The following CDK14 variants were observed in gnomAD, a reference collection of about 807,000 sequenced individuals.
The protein encoded by CDK14 is cyclin dependent kinase 14.
CDK14 carries 34 observed loss-of-function variants against 60.7 expected under a neutral mutation model. That is an observed-to-expected ratio of 0.56 (90% confidence interval 0.43 to 0.75). CDK14 has a LOEUF of 0.75. Among genes scored for constraint, CDK14 ranks in the 30% least tolerant of loss-of-function variants. CDK14 has a pLI of 0.00. For synonymous variants in CDK14, 197 were observed against 203.7 expected, an observed-to-expected ratio of 0.97 and a Z score of 0.28; for missense variants, 482 against 564.1, an observed-to-expected ratio of 0.85 and a Z score of 1.47.
intron 12 of CDK14, among the ~76,000 whole-genome samples, chr7:91,096,901 T>G (rs1337037051): frequency 2.0e-5 from 3 of 152,138 alleles, no homozygotes; most frequent in African/African-American, 7.2e-5. Flanking sequence ...TAAGAGAATA[T>G]TAAGTGGCAA....
intron 2 of CDK14, chr7:90,709,350 C>A: frequency 8.1e-7 from 1 of 1,236,466 alleles, no homozygotes; most frequent in Non-Finnish European, 1.1e-6. Context: ...AGGACACTTA[C>A]TGGCTTTCTC....
chr7:90,982,588 CTTTATAAG>C (rs1360948650), intron 9 of CDK14, among the ~76,000 whole-genome samples: 1 of 152,156 alleles, frequency 6.6e-6, no homozygotes, highest in Non-Finnish European at 1.5e-5. Context: ...GACTACAATA[CTTTATAAG>C]TTTGTGAAAT....
chr7:90,955,805 G>T lies in CDK14; in HGVS notation c.935G>T (p.Cys312Phe). The stretch of plus-strand genomic sequence containing the variant: ...CTAGGCTCAACAGAATATTCCACCT[G>T]CCTTGACATGTGGTGAGAAATGGAA... The part of the protein sequence containing the change: ...VLLGSTEYST[C>F]LDMWGVGCIF... Residue 312 changes from cysteine to phenylalanine, a missense_variant, in exon 9 of 15, where the codon TGC becomes TTC. Transcript: ENST00000380050. 6.2e-7 allele frequency: 1 copy of T among 1,613,064 alleles called. No homozygotes were observed. The highest frequency in any genetic ancestry group is 8.5e-7 in the Non-Finnish European group (1 of 1,179,256).
At chr7:90,994,809 C>T (rs554126197) in intron 10 of CDK14, among the ~76,000 whole-genome samples, 24 of 152,056 alleles carry the variant, frequency 1.6e-4, no homozygotes, top group Non-Finnish European at 2.2e-4. Flanking sequence ...AAAAAGATGG[C>T]GAAATACTGC....
At position 90,926,168 on chromosome 7, in the gene CDK14, A is replaced by G. The variant is rs550199790; in HGVS notation, c.826+8444A>G. Among the ~76,000 whole-genome samples the G allele has an allele frequency of 9.2e-5, 14 of 152,250 alleles. No homozygotes were observed. In the East Asian group the frequency reaches 2.5e-3, roughly 27 times the overall value. On this transcript the variant is annotated intron_variant, in intron 8 of 14. Coordinates refer to ENST00000380050, the MANE Select transcript of CDK14 (RefSeq NM_001287135.2). ...CACATGCATGGCTAGTTCCCCAAAC[A>G]TGTGAGAAGGTAGGAGTGCTAACTG... is the stretch of plus-strand genomic sequence containing the variant.
intron 14 of CDK14, among the ~76,000 whole-genome samples, chr7:91,157,528 A>G (rs1801018448): frequency 6.6e-6 from 1 of 152,246 alleles, no homozygotes; most frequent in African/African-American, 2.4e-5. Flanking sequence ...CCTGAGAGGC[A>G]TTGGGTCATT....
chr7:90,813,507 G>A (rs967223338), intron 5 of CDK14, among the ~76,000 whole-genome samples: 2 of 152,192 alleles, frequency 1.3e-5, no homozygotes, highest in African/African-American at 4.8e-5. Context: ...CAGCACTTTG[G>A]GAGGCTGAAG....
chr7:90,611,133 TC>T (rs1799530452), intron 2 of CDK14, among the ~76,000 whole-genome samples: 2 of 152,286 alleles, frequency 1.3e-5, no homozygotes, highest in South Asian at 4.2e-4. Context: ...CATAATTGAT[TC>T]TTTCCTTTCT....
intron 11 of CDK14, among the ~76,000 whole-genome samples, chr7:91,057,681 C>A (rs1406194826): frequency 6.6e-6 from 1 of 152,096 alleles, no homozygotes; most frequent in Non-Finnish European, 1.5e-5. Flanking sequence ...CCCATTTCTT[C>A]TTTTTGTCAG....
chr7:91,160,298 T>C (rs1440152622), intron 14 of CDK14, among the ~76,000 whole-genome samples: 2 of 152,148 alleles, frequency 1.3e-5, no homozygotes, highest in Admixed American at 6.5e-5. Context: ...CTACAATTTA[T>C]TGTGCATGGC....
At chr7:90,677,980 C>G (rs1048210800) in intron 2 of CDK14, among the ~76,000 whole-genome samples, 3 of 152,098 alleles carry the variant, frequency 2.0e-5, no homozygotes, top group Non-Finnish European at 1.5e-5. Context: ...GTTGCCTCTT[C>G]GGCAGAGTCA....
At chr7:90,664,760 AG>A in intron 2 of CDK14, among the ~76,000 whole-genome samples, 1 of 134,068 alleles carries the variant, frequency 7.5e-6, no homozygotes, top group Non-Finnish European at 1.6e-5. Context: ...GGACACAGGA[AG>A]GGGAACATCA....
At chr7:90,709,548 G>T (rs200626528) in intron 2 of CDK14, 42 of 1,613,126 alleles carry the variant, frequency 2.6e-5, no homozygotes, top group Non-Finnish European at 3.6e-5. Flanking sequence ...GCATATGCAC[G>T]GTTACTTTGG....
chr7:90,761,598 A>T (rs755844849), intron 4 of CDK14, among the ~76,000 whole-genome samples: 1 of 152,188 alleles, frequency 6.6e-6, no homozygotes, highest in African/African-American at 2.4e-5. Flanking sequence ...TTTGTTTGCC[A>T]GGATATATTT....
At chr7:90,685,325 T>G (rs911087408) in intron 2 of CDK14, among the ~76,000 whole-genome samples, 1 of 152,162 alleles carries the variant, frequency 6.6e-6, no homozygotes, top group Non-Finnish European at 1.5e-5. Flanking sequence ...TTATTTGTCT[T>G]TTCCTGTGTC....
At chr7:91,086,920 A>G (rs866447104) in intron 12 of CDK14, among the ~76,000 whole-genome samples, 3 of 152,280 alleles carry the variant, frequency 2.0e-5, no homozygotes, top group South Asian at 2.1e-4. Context: ...GGAGAAAAAC[A>G]CTATTCGCTT....
intron 4 of CDK14, among the ~76,000 whole-genome samples, chr7:90,760,355 A>C (rs1187355413): frequency 6.6e-6 from 1 of 152,136 alleles, no homozygotes; most frequent in African/African-American, 2.4e-5. Flanking sequence ...TATCAGGAGG[A>C]GTTTGAAGAA....
chr7:90,701,331 T>C (rs1196433419), intron 2 of CDK14, among the ~76,000 whole-genome samples: 1 of 152,238 alleles, frequency 6.6e-6, no homozygotes, highest in African/African-American at 2.4e-5. Flanking sequence ...GTTAAACTAA[T>C]TGGTCAAAGC....
At chr7:90,696,077 C>T (rs144130204) in intron 2 of CDK14, among the ~76,000 whole-genome samples, 1 of 152,208 alleles carries the variant, frequency 6.6e-6, no homozygotes, top group East Asian at 1.9e-4. Flanking sequence ...TGTTGGTCGC[C>T]TGTATTAGGA....
Sources: allele counts gnomAD v4.1 joint callset (sites outside exome capture counted in the v4.1 genomes callset), GRCh38; gene constraint gnomAD v4.1.1; transcripts MANE v1.5; gene names NCBI Gene and HGNC (gene_info 2026-07-23, HGNC 2026-07-21).